Variants in WDPCP observed in about 807,000 individuals in gnomAD.
WDPCP encodes the protein WD repeat-containing and planar cell polarity effector protein fritz homolog.
In WDPCP, 71 loss-of-function variants were observed where a neutral mutation model predicts 93.1. The observed-to-expected ratio is 0.76, with a 90% CI of 0.63 to 0.93. The LOEUF is 0.93. Among genes scored for constraint, WDPCP ranks in the 40% least tolerant of loss-of-function variants. The pLI is 0.00. For synonymous variants in WDPCP, 315 were observed against 315.0 expected (o/e 1.00, Z 0.00); for missense variants, 844 against 887.4 (o/e 0.95, Z 0.62).
intron 14 of WDPCP, among the ~76,000 whole-genome samples, chr2:63,214,310 G>A (rs774226430): frequency 2.0e-5 from 3 of 152,122 alleles, no homozygotes; most frequent in Admixed American, 6.5e-5. Context: ...ATGCAAGGCT[G>A]GTTCATTATA....
At chr2:63,519,641 T>C (rs1702793272) in intron 1 of WDPCP, among the ~76,000 whole-genome samples, 1 of 151,868 alleles carries the variant, frequency 6.6e-6, no homozygotes, top group African/African-American at 2.4e-5. Flanking sequence ...AGCTGAGCCT[T>C]GGGCCCCTAA....
chr2:63,167,405 C>A (rs1430792208), intron 15 of WDPCP, among the ~76,000 whole-genome samples: 1 of 151,616 alleles, frequency 6.6e-6, no homozygotes, highest in Non-Finnish European at 1.5e-5. Context: ...GGTAAAAGTG[C>A]TTAGTGGTAT....
intron 9 of WDPCP, among the ~76,000 whole-genome samples, chr2:63,422,188 G>C (rs1313514944): frequency 1.3e-5 from 2 of 152,090 alleles, no homozygotes; most frequent in African/African-American, 2.4e-5. Context: ...GTGTGGGGCA[G>C]AAAATATACA....
intron 14 of WDPCP, among the ~76,000 whole-genome samples, chr2:63,239,185 A>G (rs1679661450): frequency 6.6e-6 from 1 of 152,198 alleles, no homozygotes; most frequent in South Asian, 2.1e-4. Context: ...AAAGTATTAT[A>G]GGATTATTAT....
At chr2:63,329,538 A>T (rs966695134) in intron 12 of WDPCP, among the ~76,000 whole-genome samples, 2 of 152,212 alleles carry the variant, frequency 1.3e-5, no homozygotes, top group Non-Finnish European at 2.9e-5. Context: ...TAATCCTCAC[A>T]GAACTTCCTA....
At chr2:63,487,583 G>A in intron 2 of WDPCP, 89 bp from the exon 3 acceptor site, 1 of 949,172 alleles carries the variant, frequency 1.1e-6, no homozygotes, top group Non-Finnish European at 1.6e-6. Flanking sequence ...GGAAGGATAG[G>A]GAGAAAAGCA....
chr2:63,212,294 G>C (rs1364912359), intron 14 of WDPCP, among the ~76,000 whole-genome samples: 1 of 152,190 alleles, frequency 6.6e-6, no homozygotes, highest in Non-Finnish European at 1.5e-5. Flanking sequence ...CAAGCCAGAA[G>C]AGAGTGGGGG....
intron 1 of WDPCP, among the ~76,000 whole-genome samples, chr2:63,495,465 G>A (rs994854776): frequency 2.6e-5 from 4 of 152,138 alleles, no homozygotes; most frequent in Non-Finnish European, 5.9e-5. Context: ...ATTAGAATAA[G>A]TAAACTGCAG....
chr2:63,534,902 G>A (rs914406007), intron 1 of WDPCP, among the ~76,000 whole-genome samples: 6 of 152,166 alleles, frequency 3.9e-5, no homozygotes, highest in Admixed American at 3.3e-4. Context: ...ATTCAATTAG[G>A]AAAAGAGGAA....
At chr2:63,232,379 A>G (rs767873161) in intron 14 of WDPCP, 3 of 152,324 alleles carry the variant, frequency 2.0e-5, no homozygotes, top group Middle Eastern at 3.4e-3. Flanking sequence ...AGAAGAGAAG[A>G]TCCTTTGAAA....
At chr2:63,295,356 T>C (rs1684762750) in intron 13 of WDPCP, among the ~76,000 whole-genome samples, 1 of 151,944 alleles carries the variant, frequency 6.6e-6, no homozygotes, top group Non-Finnish European at 1.5e-5. Context: ...ATTAACAGAA[T>C]AGATAAAAAC....
intron 2 of WDPCP, among the ~76,000 whole-genome samples, chr2:63,753,429 G>A (rs570769963): frequency 3.3e-5 from 5 of 151,938 alleles, no homozygotes; most frequent in Non-Finnish European, 5.9e-5. Flanking sequence ...ACTCCGTCTC[G>A]AACAACAGCA....
intron 10 of WDPCP, among the ~76,000 whole-genome samples, chr2:63,390,293 ACTG>A (rs1693121749): frequency 3.3e-5 from 1 of 29,878 alleles, no homozygotes; most frequent in Admixed American, 4.6e-4. Flanking sequence ...CTCCTGAATG[ACTG>A]ACTACTGGGT....
At chr2:63,377,692 C>A (rs938666585) in intron 12 of WDPCP, among the ~76,000 whole-genome samples, 1 of 151,304 alleles carries the variant, frequency 6.6e-6, no homozygotes, top group Non-Finnish European at 1.5e-5. Context: ...TTTTTGCTTG[C>A]TTTTACTTAT....
intron 1 of WDPCP, among the ~76,000 whole-genome samples, chr2:63,517,054 T>C (rs1433100753): frequency 6.6e-6 from 1 of 152,150 alleles, no homozygotes; most frequent in East Asian, 1.9e-4. Context: ...TTTTCCCTTC[T>C]TGGCTCGTCT....
At chr2:63,724,769 T>C (rs1175728130) in intron 2 of WDPCP, among the ~76,000 whole-genome samples, 1 of 152,200 alleles carries the variant, frequency 6.6e-6, no homozygotes, top group Non-Finnish European at 1.5e-5. Flanking sequence ...CTAGTAACAC[T>C]AGCCTCTCTT....
chr2:63,455,140 T>C (rs1698532105), intron 6 of WDPCP, among the ~76,000 whole-genome samples: 1 of 150,102 alleles, frequency 6.7e-6, no homozygotes. Context: ...AATACACAAA[T>C]GAGAAAGAGG....
chr2:63,814,370 G>C (rs1670902101), intron 1 of WDPCP, among the ~76,000 whole-genome samples: 1 of 151,066 alleles, frequency 6.6e-6, no homozygotes, highest in Non-Finnish European at 1.5e-5. Flanking sequence ...AAAGCAGAAA[G>C]ATCTGTCCAG....
chr2:63,280,290 CG>C (rs1437673063), intron 13 of WDPCP, among the ~76,000 whole-genome samples: 2 of 152,024 alleles, frequency 1.3e-5, no homozygotes, highest in Non-Finnish European at 2.9e-5. Context: ...CTTACATGGC[CG>C]AGGCAAGAGA....
Sources: gnomAD v4.1 joint callset for allele counts (sites outside exome capture counted in the v4.1 genomes callset) on GRCh38, gnomAD v4.1.1 for gene constraint, MANE v1.5 for transcripts, NCBI Gene and HGNC (gene_info 2026-07-23, HGNC 2026-07-21) for gene names.